ABHD6: variants seen among roughly 807,000 people sequenced by gnomAD.
ABHD6 encodes the protein monoacylglycerol lipase ABHD6.
Under a neutral mutation model 38.8 loss-of-function variants are expected in ABHD6, and 33 were observed. That is an observed-to-expected ratio of 0.85 (90% CI 0.64 to 1.14). The LOEUF (loss-of-function observed/expected upper bound fraction) is 1.14. Among genes scored for constraint, ABHD6 ranks in the 50% most tolerant of loss-of-function variants. The probability of loss-of-function intolerance (pLI) is 0.00; values close to 1 mark genes in which losing one functional copy is unlikely to be tolerated. For synonymous variants in ABHD6, 147 were observed against 161.6 expected, an observed-to-expected ratio of 0.91 and a Z score of 0.69; for missense variants, 380 against 422.6, an observed-to-expected ratio of 0.90 and a Z score of 0.88.
Position 58,293,427 on chromosome 3 carries a change from C to G in ABHD6, c.838-162C>G, listed in dbSNP as rs1048433680. Among the ~76,000 whole-genome samples, 1 of 152,222 alleles carries G rather than the reference C, an allele frequency of 6.6e-6. No individual in the cohort carries two copies. The highest frequency in any genetic ancestry group is 1.5e-5 in the Non-Finnish European group (1 of 68,040). ...AGGAGGCATCATGGTTACTTCCATT[C>G]AGACAGCCACAAGCCCCAACACCAA... is the stretch of plus-strand genomic sequence containing the variant. On this transcript the variant is annotated intron_variant, in intron 9 of 9. Transcript: ENST00000478253. This position sits in a 1 kb window ranked among gnomAD's most constrained non-coding sequence, Gnocchi z 4.4.
chr3:58,242,085 C>A (rs190412698), intron 1 of ABHD6, among the ~76,000 whole-genome samples: 2 of 151,926 alleles, frequency 1.3e-5, no homozygotes, highest in Middle Eastern at 3.2e-3. Context: ...GCTCGCCAGG[C>A]GAGAGGGAGA....
At chr3:58,261,165 G>A (rs548618004) in intron 3 of ABHD6, among the ~76,000 whole-genome samples, 2 of 152,256 alleles carry the variant, frequency 1.3e-5, no homozygotes, top group Middle Eastern at 3.4e-3. Context: ...ACTCAGTTGT[G>A]AAATCAAGGT....
intron 9 of ABHD6, among the ~76,000 whole-genome samples, chr3:58,290,390 G>T (rs2097461348): frequency 7.8e-6 from 1 of 128,590 alleles, no homozygotes; most frequent in South Asian, 2.7e-4. Flanking sequence ...CCGGGCAGAG[G>T]GGCTCCTCAC....
At chr3:58,250,779 T>C (rs1018634605) in intron 2 of ABHD6, among the ~76,000 whole-genome samples, 3 of 152,210 alleles carry the variant, frequency 2.0e-5, no homozygotes, top group Non-Finnish European at 4.4e-5. Flanking sequence ...CTTATCCACA[T>C]GTAGCTGTTG....
Position 58,251,839 on chromosome 3 carries a change from G to C in ABHD6, c.-26+1897G>C, listed in dbSNP as rs1246926567. On this transcript the variant is annotated intron_variant, in intron 2 of 9. Coordinates refer to ENST00000478253, the MANE Select transcript of ABHD6 (RefSeq NM_001320126.2). The surrounding 1 kb of genome is among the most constrained non-coding windows in gnomAD (Gnocchi z 5.4). ...TTTCTTTTTCAGTGTATTCAGTCAG[G>C]CGATAAACATGATCAAGCACCAAGT... is the stretch of plus-strand genomic sequence containing the variant. Among the ~76,000 whole-genome samples, 1 of 152,144 alleles carries C rather than the reference G, an allele frequency of 6.6e-6. No individual in the cohort carries two copies. Among genetic ancestry groups the C allele is most frequent in the Non-Finnish European group, 1.5e-5 (1 of 68,028 alleles).
chr3:58,286,737 A>G (rs1310955406), intron 9 of ABHD6, among the ~76,000 whole-genome samples: 1 of 150,668 alleles, frequency 6.6e-6, no homozygotes, highest in Non-Finnish European at 1.5e-5. Flanking sequence ...GAGCTTTCAA[A>G]CATGCTAGAT....
At chr3:58,286,268 C>T (rs2097456927) in intron 9 of ABHD6, among the ~76,000 whole-genome samples, 1 of 152,088 alleles carries the variant, frequency 6.6e-6, no homozygotes, top group African/African-American at 2.4e-5. Flanking sequence ...ATCTGCCGGC[C>T]TCAGCCTCCC....
At chr3:58,277,215 A>G (rs2097449406) in intron 7 of ABHD6, among the ~76,000 whole-genome samples, 1 of 152,140 alleles carries the variant, frequency 6.6e-6, no homozygotes, top group African/African-American at 2.4e-5. Flanking sequence ...CGGTATGGCC[A>G]TTTTCATGAT....
At position 58,253,644 on chromosome 3, in the gene ABHD6, C is replaced by G. The variant is rs140231066; in HGVS notation, c.-25-2918C>G. ...TTTGTAAATTTGCTTTTCATTGATT[C>G]ATTTGTACCTTATTTGTGTCCTGTG... is the stretch of plus-strand genomic sequence containing the variant. On this transcript the variant is annotated intron_variant, in intron 2 of 9. Transcript: ENST00000478253. Among the ~76,000 whole-genome samples, 120 of 152,302 alleles carry G rather than the reference C, an allele frequency of 7.9e-4. 2 individuals are homozygous for G. The highest frequency in any genetic ancestry group is 3.4e-3 in the Middle Eastern group (1 of 294).
Position 58,285,435 on chromosome 3 carries a change from C to T in ABHD6, c.819C>T (p.Ile273=). The T allele has an allele frequency of 6.2e-7, 1 of 1,614,052 alleles. No homozygotes were observed. The highest frequency in any genetic ancestry group is 8.5e-7 in the Non-Finnish European group (1 of 1,179,910). The change falls in exon 9 of 10, where the codon ATC becomes ATT. Residue 273 remains isoleucine, a synonymous_variant. Coordinates refer to ENST00000478253, the MANE Select transcript of ABHD6 (RefSeq NM_001320126.2). The surrounding 1 kb of genome is among the most constrained non-coding windows in gnomAD (Gnocchi z 4.9). ...MDKIKVPTQI[I]WGKQDQVLDV... is the part of the protein sequence containing the mutation. ...AGATCAAGGTTCCGACGCAGATCAT[C>T]TGGGGGAAACAAGACCAGGTATGTA...
chr3:58,256,533 A>T lies in ABHD6; in HGVS notation c.-25-29A>T. 7.5e-7 allele frequency: 1 copy of T among 1,329,962 alleles called. No individual in the cohort carries two copies. Among genetic ancestry groups the T allele is most frequent in the Non-Finnish European group, 1.1e-6 (1 of 936,788 alleles). 82.4% of individuals were successfully genotyped at this position (1,329,962 alleles called of 1,614,324 possible). On this transcript the variant is annotated intron_variant, in intron 2 of 9. Transcript: ENST00000478253. This position sits in a 1 kb window ranked among gnomAD's most constrained non-coding sequence, Gnocchi z 4.3. ...CTTTTTTCCTTTGATACAGAGTTTT[A>T]ATATCGTCATTCTCTTTGGCCCCTG...
chr3:58,286,469 C>G (rs1206189334), intron 9 of ABHD6, among the ~76,000 whole-genome samples: 2 of 151,960 alleles, frequency 1.3e-5, no homozygotes, highest in Admixed American at 1.3e-4. Flanking sequence ...ATTTTTTAAG[C>G]CAGAAGTTAG....
At position 58,281,579 on chromosome 3, in the gene ABHD6, G is replaced by A. The variant is rs144455827; in HGVS notation, c.682-3506G>A. The stretch of plus-strand genomic sequence containing the variant: ...GTGAGGCGATGCCTGCCCTGCTTCA[G>A]CTCGCCCTCTGTGGGCTGCACCCAC... On this transcript the variant is annotated intron_variant, in intron 7 of 9. Transcript: ENST00000478253. 2.9e-3 allele frequency among the ~76,000 whole-genome samples: 439 copies of A among 152,282 alleles called. 4 individuals carry two copies. The highest frequency in any genetic ancestry group is 9.7e-3 in the African/African-American group (402 of 41,550).
chr3:58,244,176 C>G (rs528208043), intron 1 of ABHD6, among the ~76,000 whole-genome samples: 8 of 152,246 alleles, frequency 5.3e-5, no homozygotes, highest in Non-Finnish European at 1.0e-4. Context: ...TTAAGAGAGG[C>G]AATATCTCTT....
intron 1 of ABHD6, among the ~76,000 whole-genome samples, chr3:58,241,215 T>C (rs2097422604): frequency 6.6e-6 from 1 of 152,172 alleles, no homozygotes; most frequent in Non-Finnish European, 1.5e-5. Context: ...CTGGATATGA[T>C]TTTCACAACA....
chr3:58,276,397 G>A lies in ABHD6; in HGVS notation c.681+1582G>A, dbSNP rs2097448760. ...ATGAGCAGTTTTTCATGTGTCTGTT[G>A]GCTGCATAGATGTCTTCTTTTGAGA... On this transcript the variant is annotated intron_variant, in intron 7 of 9. Transcript: ENST00000478253. Among the ~76,000 whole-genome samples, 4 of 152,270 alleles carry A rather than the reference G, an allele frequency of 2.6e-5. No individual in the cohort carries two copies. In the South Asian group the frequency reaches 8.3e-4, roughly 32 times the overall value.
At chr3:58,264,387 GCACACACACACA>G (rs61099164) in intron 3 of ABHD6, among the ~76,000 whole-genome samples, 11,217 of 132,140 alleles carry the variant, frequency 0.085, 613 homozygotes, top group Middle Eastern at 0.15. Flanking sequence ...TTATATAAAC[GCACACACACACA>G]CACACACACA....
intron 1 of ABHD6, among the ~76,000 whole-genome samples, chr3:58,241,242 C>T (rs1575510117): frequency 4.6e-5 from 7 of 152,290 alleles, no homozygotes; most frequent in Admixed American, 4.6e-4. Context: ...TCCTTTCTGA[C>T]CTTGCATGTA....
chr3:58,251,058 G>A lies in ABHD6; in HGVS notation c.-26+1116G>A, dbSNP rs1559771416. Reference sequence around the variant, plus strand: ...AAGTCGGCTAGGTGCAGAAGCTTGCGCCTGTAATCCCAGCACTTTGGGAGG... The same window carrying A: ...AAGTCGGCTAGGTGCAGAAGCTTGCACCTGTAATCCCAGCACTTTGGGAGG... On this transcript the variant is annotated intron_variant, in intron 2 of 9. Coordinates refer to ENST00000478253, the MANE Select transcript of ABHD6 (RefSeq NM_001320126.2). This position sits in a 1 kb window ranked among gnomAD's most constrained non-coding sequence, Gnocchi z 5.4. Among the ~76,000 whole-genome samples, 2 of 152,056 alleles carry A rather than the reference G, an allele frequency of 1.3e-5. No individual in the cohort carries two copies. Among genetic ancestry groups the A allele is most frequent in the Non-Finnish European group, 2.9e-5 (2 of 68,014 alleles).
Sources: gnomAD v4.1 joint callset for allele counts (sites outside exome capture counted in the v4.1 genomes callset) on GRCh38, gnomAD v4.1.1 for gene constraint, Gnocchi (gnomAD v3.1) non-coding constraint, MANE v1.5 for transcripts, NCBI Gene and HGNC (gene_info 2026-07-23, HGNC 2026-07-21) for gene names.